Variants in NEK7 observed in about 807,000 individuals in gnomAD.
NEK7 encodes the protein serine/threonine-protein kinase Nek7.
A neutral mutation model predicts 44.6 loss-of-function variants in NEK7; 18 were observed. That is an observed-to-expected ratio of 0.40 (90% CI 0.28 to 0.60). The LOEUF is 0.60. Ranked by LOEUF, NEK7 falls within the 20% of genes least tolerant of loss-of-function variation. The pLI, the probability that NEK7 is intolerant of heterozygous loss-of-function variation, is 0.38. For synonymous variants in NEK7, 130 were observed against 121.1 expected (o/e 1.07, Z -0.48); for missense variants, 256 against 366.5 (o/e 0.70, Z 2.46).
At chr1:198,225,991 C>T (rs1666211451) in intron 1 of NEK7, among the ~76,000 whole-genome samples, 2 of 152,132 alleles carry the variant, frequency 1.3e-5, no homozygotes, top group African/African-American at 4.8e-5. Context: ...AATATTCCTT[C>T]AGCCACCTAT....
chr1:198,266,029 T>C (rs951436241), intron 5 of NEK7, among the ~76,000 whole-genome samples: 1 of 152,132 alleles, frequency 6.6e-6, no homozygotes, highest in African/African-American at 2.4e-5. Context: ...CTCTAACCTT[T>C]ACGTGCACAA....
chr1:198,188,499 A>T (rs1292685865), intron 1 of NEK7, among the ~76,000 whole-genome samples: 3 of 152,058 alleles, frequency 2.0e-5, no homozygotes, highest in Non-Finnish European at 1.5e-5. Context: ...TTTTTGTAGC[A>T]GCTAGCAGGG....
At chr1:198,203,040 AATACT>A (rs755129675) in intron 1 of NEK7, among the ~76,000 whole-genome samples, 1 of 152,204 alleles carries the variant, frequency 6.6e-6, no homozygotes, top group Non-Finnish European at 1.5e-5. Context: ...AGTAAAATAA[AATACT>A]ATGACGTTTT....
At chr1:198,247,382 G>A (rs536918290) in intron 2 of NEK7, among the ~76,000 whole-genome samples, 5 of 152,244 alleles carry the variant, frequency 3.3e-5, no homozygotes, top group Admixed American at 1.3e-4. Flanking sequence ...CTGGCAGTGT[G>A]GCATAGGCTA....
At chr1:198,285,416 G>A (rs1571604350) in intron 7 of NEK7, among the ~76,000 whole-genome samples, 1 of 152,312 alleles carries the variant, frequency 6.6e-6, no homozygotes. Flanking sequence ...TAGCAATGAA[G>A]TATGTTCTAA....
At chr1:198,239,862 G>A (rs1212436803) in intron 2 of NEK7, among the ~76,000 whole-genome samples, 4 of 152,094 alleles carry the variant, frequency 2.6e-5, no homozygotes, top group East Asian at 1.9e-4. Context: ...CACAAACCCC[G>A]ACAGGATAGC....
intron 1 of NEK7, chr1:198,221,246 G>A (rs1666070949): frequency 1.3e-5 from 2 of 152,068 alleles, no homozygotes; most frequent in South Asian, 2.1e-4. Context: ...GAAACATAAA[G>A]AGGAAGTCCG....
At chr1:198,161,883 TTTTTA>T (rs1466536284) in intron 1 of NEK7, among the ~76,000 whole-genome samples, 3 of 152,012 alleles carry the variant, frequency 2.0e-5, no homozygotes, top group Non-Finnish European at 4.4e-5. Flanking sequence ...TGTCTAGTAG[TTTTTA>T]TTTTAAGCCT....
rs766369356 is a variant in NEK7 at position 198,320,386 on chromosome 1, A to G, written c.*864A>G. 2.0e-4 allele frequency: 30 copies of G among 152,130 alleles called. No individual in the cohort carries two copies. The highest frequency in any genetic ancestry group is 4.1e-4 in the Non-Finnish European group (28 of 67,996). The allele number at this position is 152,130 out of a possible 1,614,324, so 9.4% of individuals were successfully genotyped here. A position where few individuals can be genotyped will look rare whatever the true frequency, so the allele number is the denominator to read the frequency against. ...TCAATTTCTTTATAAATTTAAGTGC[A>G]TTTTAACTCATAATTGTACACTATA... On this transcript the variant is annotated 3_prime_UTR_variant, in exon 10 of 10. Coordinates refer to ENST00000367385, the MANE Select transcript of NEK7 (RefSeq NM_133494.3).
rs374807259 is a variant in NEK7, at chr1:198,242,709, G to A, written c.57+10072G>A. 2.8e-4 allele frequency among the ~76,000 whole-genome samples: 43 copies of A among 151,254 alleles called. 1 individual carries two copies. In the South Asian group the frequency reaches 3.3e-3, roughly 12 times the overall value. On this transcript the variant is annotated intron_variant, in intron 2 of 9. Coordinates refer to ENST00000367385, the MANE Select transcript of NEK7 (RefSeq NM_133494.3). Reference sequence around the variant, plus strand: ...GATCTCCTGACCTCGTGATCCACCCGCCTCGGCCCCACAAAGTGCTGGGAT... The same window carrying A: ...GATCTCCTGACCTCGTGATCCACCCACCTCGGCCCCACAAAGTGCTGGGAT...
At chr1:198,236,895 A>G (rs1443947696) in intron 2 of NEK7, among the ~76,000 whole-genome samples, 2 of 152,116 alleles carry the variant, frequency 1.3e-5, no homozygotes, top group Non-Finnish European at 2.9e-5. Context: ...TTTTATAGCA[A>G]AGTTCCCAGA....
chr1:198,273,674 G>A (rs530237960), intron 5 of NEK7, among the ~76,000 whole-genome samples: 9 of 151,808 alleles, frequency 5.9e-5, no homozygotes, highest in Non-Finnish European at 7.4e-5. Context: ...GTCATCTCAT[G>A]TTAAGACCTT....
intron 1 of NEK7, among the ~76,000 whole-genome samples, chr1:198,203,291 A>AT (rs1225095204): frequency 6.6e-6 from 1 of 152,158 alleles, no homozygotes. Flanking sequence ...TCCACTGAAG[A>AT]TTTTTTTAAA....
chr1:198,203,759 G>A (rs913873464), intron 1 of NEK7, among the ~76,000 whole-genome samples: 1 of 152,188 alleles, frequency 6.6e-6, no homozygotes, highest in Non-Finnish European at 1.5e-5. Flanking sequence ...TAAAGCAGGG[G>A]CTGCTAATAA....
chr1:198,286,988 C>T (rs1325495296), intron 7 of NEK7, among the ~76,000 whole-genome samples: 2 of 152,140 alleles, frequency 1.3e-5, no homozygotes, highest in African/African-American at 4.8e-5. Context: ...AAGTCCTCAA[C>T]CTTTATGGCT....
chr1:198,303,757 C>A (rs999151821), intron 9 of NEK7, among the ~76,000 whole-genome samples: 3 of 152,022 alleles, frequency 2.0e-5, no homozygotes, highest in Non-Finnish European at 4.4e-5. Flanking sequence ...TTATATGGCA[C>A]AAATAATGTC....
At chr1:198,207,810 T>G (rs1316021685) in intron 1 of NEK7, among the ~76,000 whole-genome samples, 3 of 152,160 alleles carry the variant, frequency 2.0e-5, no homozygotes, top group African/African-American at 7.2e-5. Context: ...AAATGGCAAT[T>G]TAATTGTATA....
At chr1:198,308,978 T>A (rs1467037669) in intron 9 of NEK7, among the ~76,000 whole-genome samples, 2 of 152,160 alleles carry the variant, frequency 1.3e-5, no homozygotes, top group African/African-American at 4.8e-5. Context: ...CAGTGAGCAC[T>A]TACTGTTCAT....
At chr1:198,277,344 A>T (rs961264579) in intron 5 of NEK7, among the ~76,000 whole-genome samples, 3 of 151,742 alleles carry the variant, frequency 2.0e-5, no homozygotes, top group Admixed American at 2.0e-4. Context: ...TAAGTAGCCT[A>T]TTGGTGCTGT....
Sources: gnomAD v4.1 joint callset for allele counts (sites outside exome capture counted in the v4.1 genomes callset) on GRCh38, gnomAD v4.1.1 for gene constraint, MANE v1.5 for transcripts, NCBI Gene and HGNC (gene_info 2026-07-23, HGNC 2026-07-21) for gene names.